NXPH1: variants seen among roughly 807,000 people sequenced by gnomAD.
NXPH1 encodes neurexophilin-1.
NXPH1 carries 5 observed loss-of-function variants against 23.7 expected under a neutral mutation model. That is an observed-to-expected ratio of 0.21 (90% confidence interval 0.11 to 0.44). The LOEUF (loss-of-function observed/expected upper bound fraction) is 0.44, where lower values mean the gene tolerates loss of function less well. NXPH1 is among the 20% of genes least tolerant of loss of function. NXPH1 has a pLI of 0.99. For missense variants in NXPH1, 324 were observed against 321.6 expected (o/e 1.01, Z -0.06); for synonymous variants, 144 against 122.2 (o/e 1.18, Z -1.18).
chr7:8,530,353 C>T (rs915474565), intron 2 of NXPH1, among the ~76,000 whole-genome samples: 8 of 152,160 alleles, frequency 5.3e-5, no homozygotes, highest in Non-Finnish European at 1.2e-4. Flanking sequence ...AAGAACATTT[C>T]GCTCACAAAA....
rs191233422 is a variant in NXPH1, at chr7:8,637,358, G to A, written c.55-113650G>A. Among the ~76,000 whole-genome samples the A allele has an allele frequency of 3.3e-5, 5 of 152,100 alleles. No homozygotes were observed. In the East Asian group the frequency reaches 9.7e-4, roughly 29 times the overall value. ...CTACACCAGCTTCTTCAGTAGCTGG[G>A]ACCACAGGCTCGTGCCACCATGCCT... On this transcript the variant is annotated intron_variant, in intron 2 of 2. Coordinates refer to ENST00000405863, the MANE Select transcript of NXPH1 (RefSeq NM_152745.3).
intron 2 of NXPH1, among the ~76,000 whole-genome samples, chr7:8,509,333 A>C (rs771236529): frequency 6.6e-6 from 1 of 152,160 alleles, no homozygotes; most frequent in Non-Finnish European, 1.5e-5. Context: ...ACATTAATAA[A>C]TATGATGTGG....
intron 2 of NXPH1, among the ~76,000 whole-genome samples, chr7:8,683,682 T>C (rs1821095298): frequency 6.6e-6 from 1 of 152,194 alleles, no homozygotes; most frequent in Non-Finnish European, 1.5e-5. Context: ...GGCACAAAAG[T>C]AATTGCATTT....
intron 2 of NXPH1, among the ~76,000 whole-genome samples, chr7:8,468,560 T>C (rs1364248337): frequency 6.6e-6 from 1 of 152,110 alleles, no homozygotes; most frequent in African/African-American, 2.4e-5. Context: ...CCTGCTATCT[T>C]ATTTTTCATC....
intron 2 of NXPH1, among the ~76,000 whole-genome samples, chr7:8,464,890 G>A (rs1363209040): frequency 1.3e-5 from 2 of 152,158 alleles, no homozygotes; most frequent in Admixed American, 1.3e-4. Flanking sequence ...CCCATGTTCT[G>A]GAAGGCCTGA....
chr7:8,621,431 T>C (rs1473371356), intron 2 of NXPH1, among the ~76,000 whole-genome samples: 1 of 152,030 alleles, frequency 6.6e-6, no homozygotes, highest in Non-Finnish European at 1.5e-5. Flanking sequence ...TGAGAAGAAC[T>C]TTGGGACAAA....
chr7:8,725,180 C>T (rs983124504), intron 2 of NXPH1, among the ~76,000 whole-genome samples: 33 of 152,088 alleles, frequency 2.2e-4, no homozygotes, highest in South Asian at 1.0e-3. Context: ...TTGTATCTTC[C>T]CTGAGCTATG....
In NXPH1 at chr7:8,591,849, T is replaced by C. The variant is rs974653319; in HGVS notation, c.54+156082T>C. ...GAGGGTGAAAGGGCTGAGGTTTCTT[T>C]TTTTTTTTTTTTGATAGTCTCTTTA... On this transcript the variant is annotated intron_variant, in intron 2 of 2. Coordinates refer to ENST00000405863, the MANE Select transcript of NXPH1 (RefSeq NM_152745.3). 3.0e-3 allele frequency among the ~76,000 whole-genome samples: 245 copies of C among 81,828 alleles called. 4 individuals are homozygous for C. Among genetic ancestry groups the C allele is most frequent in the Admixed American group, 4.6e-3 (38 of 8,224 alleles). 53.7% of individuals were successfully genotyped at this position (81,828 alleles called of 152,430 possible). A position where few individuals can be genotyped will look rare whatever the true frequency, so the allele number is the denominator to read the frequency against.
At chr7:8,728,309 T>A (rs1332447752) in intron 2 of NXPH1, among the ~76,000 whole-genome samples, 1 of 152,160 alleles carries the variant, frequency 6.6e-6, no homozygotes, top group Non-Finnish European at 1.5e-5. Flanking sequence ...CTTCCTCTTT[T>A]CCTAATTGAA....
chr7:8,570,845 A>G (rs917467148), intron 2 of NXPH1, among the ~76,000 whole-genome samples: 2 of 151,748 alleles, frequency 1.3e-5, no homozygotes, highest in African/African-American at 4.8e-5. Context: ...ATATTTTGAT[A>G]ATTTGGTAGG....
intron 2 of NXPH1, among the ~76,000 whole-genome samples, chr7:8,489,080 T>G (rs1584189559): frequency 6.6e-6 from 1 of 152,200 alleles, no homozygotes; most frequent in Admixed American, 6.6e-5. Flanking sequence ...ATAGATGGGA[T>G]GTGATTACAA....
chr7:8,582,302 G>A (rs1049461731), intron 2 of NXPH1, among the ~76,000 whole-genome samples: 2 of 152,204 alleles, frequency 1.3e-5, no homozygotes, highest in Non-Finnish European at 2.9e-5. Flanking sequence ...TGGGGTCTGT[G>A]TTTCAGCCCT....
At chr7:8,505,452 AT>A (rs1175545124) in intron 2 of NXPH1, among the ~76,000 whole-genome samples, 5 of 152,022 alleles carry the variant, frequency 3.3e-5, no homozygotes, top group Non-Finnish European at 7.4e-5. Context: ...GAGAATACCT[AT>A]GCCTAGAAAT....
chr7:8,470,006 C>A (rs570365077), intron 2 of NXPH1, among the ~76,000 whole-genome samples: 1 of 152,282 alleles, frequency 6.6e-6, no homozygotes, highest in South Asian at 2.1e-4. Flanking sequence ...TGACCTCCAA[C>A]TGTATCTTAA....
chr7:8,659,535 G>A (rs544191208), intron 2 of NXPH1, among the ~76,000 whole-genome samples: 194 of 152,226 alleles, frequency 1.3e-3, no homozygotes, highest in Middle Eastern at 3.4e-3. Context: ...TGAACAATGA[G>A]AACACTTGGA....
At chr7:8,463,310 G>A (rs1816725792) in intron 2 of NXPH1, among the ~76,000 whole-genome samples, 1 of 147,306 alleles carries the variant, frequency 6.8e-6, no homozygotes, top group African/African-American at 2.5e-5. Flanking sequence ...TTTTTTTCAT[G>A]GCCACATAGT....
chr7:8,549,354 C>T (rs1818243664), intron 2 of NXPH1, among the ~76,000 whole-genome samples: 1 of 151,482 alleles, frequency 6.6e-6, no homozygotes, highest in African/African-American at 2.4e-5. Flanking sequence ...ACTGTATTTG[C>T]ACATCACAGA....
intron 2 of NXPH1, among the ~76,000 whole-genome samples, chr7:8,613,030 C>T (rs1819653425): frequency 6.6e-6 from 1 of 151,934 alleles, no homozygotes; most frequent in African/African-American, 2.4e-5. Flanking sequence ...AGTGTGTTGC[C>T]AAACTATAGG....
intron 2 of NXPH1, among the ~76,000 whole-genome samples, chr7:8,737,612 G>T (rs1249335050): frequency 6.6e-6 from 1 of 152,034 alleles, no homozygotes; most frequent in Non-Finnish European, 1.5e-5. Flanking sequence ...TATGTGTCTT[G>T]GGATGGCTCT....
Sources: gnomAD v4.1 joint callset for allele counts (sites outside exome capture counted in the v4.1 genomes callset) on GRCh38, gnomAD v4.1.1 for gene constraint, MANE v1.5 for transcripts, NCBI Gene and HGNC (gene_info 2026-07-23, HGNC 2026-07-21) for gene names.